The following PITPNC1 variants were observed in gnomAD, a reference collection of about 807,000 sequenced individuals.
PITPNC1 encodes cytoplasmic phosphatidylinositol transfer protein 1.
PITPNC1 carries 18 observed loss-of-function variants against 44.7 expected under a neutral mutation model. That is an observed-to-expected ratio of 0.40 (90% confidence interval 0.28 to 0.60). The LOEUF (loss-of-function observed/expected upper bound fraction) is 0.60. Ranked by LOEUF, PITPNC1 falls within the 20% of genes least tolerant of loss-of-function variation. The pLI is 0.39. For missense variants in PITPNC1, 290 were observed against 418.4 expected, an observed-to-expected ratio of 0.69 and a Z score of 2.68; for synonymous variants, 141 against 149.6, an observed-to-expected ratio of 0.94 and a Z score of 0.42.
At chr17:67,405,959 A>G (rs540775769) in intron 1 of PITPNC1, among the ~76,000 whole-genome samples, 153 of 152,160 alleles carry the variant, frequency 1.0e-3, no homozygotes, top group African/African-American at 3.4e-3. Flanking sequence ...TTCTGTACAT[A>G]TGACATTATA....
intron 5 of PITPNC1, among the ~76,000 whole-genome samples, chr17:67,618,366 A>ACG (rs2041787936): frequency 1.4e-5 from 2 of 139,884 alleles, no homozygotes; most frequent in African/African-American, 5.9e-5. Flanking sequence ...CTCCGTCTCA[A>ACG]AAAAAAAAAA....
chr17:67,502,758 G>GTATTGTATTGTATTGTATTGTATTT (rs2040050719), intron 1 of PITPNC1, among the ~76,000 whole-genome samples: 1 of 59,858 alleles, frequency 1.7e-5, no homozygotes, highest in African/African-American at 3.8e-5. Flanking sequence ...GTATTGTATT[G>GTATTGTATTGTATTGTATTGTATTT]TATTGTATTG....
intron 1 of PITPNC1, among the ~76,000 whole-genome samples, chr17:67,394,524 A>G (rs1227785705): frequency 4.6e-5 from 7 of 152,336 alleles, no homozygotes; most frequent in Admixed American, 3.9e-4. Context: ...GTACTATAAA[A>G]TCTAATAAAG....
intron 1 of PITPNC1, among the ~76,000 whole-genome samples, chr17:67,481,215 A>G (rs1280734180): frequency 4.6e-5 from 7 of 152,204 alleles, no homozygotes; most frequent in Non-Finnish European, 1.0e-4. Context: ...CTGCCTTGTT[A>G]TCTTCTAAAG....
chr17:67,663,895 A>G (rs535679714), intron 6 of PITPNC1, among the ~76,000 whole-genome samples: 15 of 152,250 alleles, frequency 9.9e-5, no homozygotes, highest in African/African-American at 3.6e-4. Flanking sequence ...CTAGCCCTCA[A>G]TTTGGTCCAG....
intron 1 of PITPNC1, among the ~76,000 whole-genome samples, chr17:67,461,191 C>T (rs1308173079): frequency 6.6e-6 from 1 of 152,242 alleles, no homozygotes; most frequent in African/African-American, 2.4e-5. Context: ...TCCACACTCA[C>T]TGTGTCCATG....
chr17:67,378,097 T>G lies in PITPNC1; in HGVS notation c.-58T>G. The G allele has an allele frequency of 1.5e-6, 2 of 1,300,944 alleles. No individual in the cohort carries two copies. The highest frequency in any genetic ancestry group is 1.4e-5 in the South Asian group (1 of 72,440). The allele number at this position is 1,300,944 out of a possible 1,614,324, so 80.6% of individuals were successfully genotyped here. A position where few individuals can be genotyped will look rare whatever the true frequency, so the allele number is the denominator to read the frequency against. On this transcript the variant is annotated 5_prime_UTR_variant, in exon 1 of 9. Coordinates refer to ENST00000581322, the MANE Select transcript of PITPNC1 (RefSeq NM_012417.4). The stretch of plus-strand genomic sequence containing the variant: ...CTGCCCTGCGCCTGGGCAGCAGCCT[T>G]GCTGGTCTTGGGGGCGCCCCCCGCT...
chr17:67,436,286 G>C (rs1003446619), intron 1 of PITPNC1, among the ~76,000 whole-genome samples: 1 of 152,166 alleles, frequency 6.6e-6, no homozygotes, highest in Non-Finnish European at 1.5e-5. Context: ...TTACAGGCCT[G>C]AGCCACCGTG....
intron 5 of PITPNC1, among the ~76,000 whole-genome samples, chr17:67,599,035 T>TATATATA (rs71139161): frequency 2.5e-3 from 73 of 28,760 alleles, no homozygotes; most frequent in Admixed American, 3.2e-3. Flanking sequence ...TATATATATA[T>TATATATA]TTTTTTTTTT....
intron 5 of PITPNC1, among the ~76,000 whole-genome samples, chr17:67,599,020 ATATATATATATATATTTTTTT>A (rs2041500077): frequency 5.1e-5 from 2 of 39,262 alleles, no homozygotes; most frequent in East Asian, 4.6e-4. Context: ...ATATATATAT[ATATATATATATATATTTTTTT>A]TTTTTTTTTT....
chr17:67,550,008 T>C (rs564305888), intron 2 of PITPNC1, among the ~76,000 whole-genome samples: 1 of 152,276 alleles, frequency 6.6e-6, no homozygotes, highest in African/African-American at 2.4e-5. Context: ...CTCATGACCA[T>C]TTCCTGCACG....
intron 1 of PITPNC1, among the ~76,000 whole-genome samples, chr17:67,380,657 A>G (rs918399119): frequency 6.6e-6 from 1 of 152,208 alleles, no homozygotes; most frequent in African/African-American, 2.4e-5. Context: ...CAGAACTGAT[A>G]GTAAATTCCA....
intron 2 of PITPNC1, among the ~76,000 whole-genome samples, chr17:67,550,386 C>T (rs989314219): frequency 1.1e-4 from 16 of 150,838 alleles, no homozygotes; most frequent in African/African-American, 3.9e-4. Flanking sequence ...GAGAGTCCAT[C>T]TTTGTGTTTT....
rs201046555 is a variant in PITPNC1, at chr17:67,602,736, A to AT, written c.366+24488dup. ...CTACAAGTGACCACTAACCTTGGGA[A>AT]TTTTTTTTTGGTGGTTGGGGGGATG... is the stretch of plus-strand genomic sequence containing the variant. On this transcript the variant is annotated intron_variant, in intron 5 of 8. Transcript: ENST00000581322. Among the ~76,000 whole-genome samples, 502 of 151,276 alleles carry AT rather than the reference A, an allele frequency of 3.3e-3. 2 individuals are homozygous for AT. The highest frequency in any genetic ancestry group is 2.5e-3 in the Admixed American group (38 of 15,168).
intron 2 of PITPNC1, among the ~76,000 whole-genome samples, chr17:67,543,237 T>C (rs748725369): frequency 6.6e-6 from 1 of 152,220 alleles, no homozygotes; most frequent in Non-Finnish European, 1.5e-5. Flanking sequence ...CTACCTCTGC[T>C]GCCTGCAGCC....
chr17:67,397,336 C>T (rs1034309392), intron 1 of PITPNC1, among the ~76,000 whole-genome samples: 10 of 147,774 alleles, frequency 6.8e-5, no homozygotes, highest in African/African-American at 2.4e-4. Context: ...AGATCAAAAG[C>T]AGCCAGATCC....
At chr17:67,518,365 A>G (rs2040283371) in intron 1 of PITPNC1, among the ~76,000 whole-genome samples, 1 of 152,174 alleles carries the variant, frequency 6.6e-6, no homozygotes, top group Non-Finnish European at 1.5e-5. Flanking sequence ...TGCAAACAGA[A>G]TATTTCCAGG....
At chr17:67,427,270 G>A (rs979153109) in intron 1 of PITPNC1, among the ~76,000 whole-genome samples, 42 of 152,076 alleles carry the variant, frequency 2.8e-4, no homozygotes, top group African/African-American at 9.4e-4. Flanking sequence ...GAGTGCAGTG[G>A]TGTGATCTTG....
intron 1 of PITPNC1, among the ~76,000 whole-genome samples, chr17:67,465,035 G>A (rs915743230): frequency 5.9e-5 from 9 of 152,182 alleles, no homozygotes; most frequent in Non-Finnish European, 1.3e-4. Context: ...CACCACACCC[G>A]GCCACAACTC....
Sources: gnomAD v4.1 joint callset for allele counts (sites outside exome capture counted in the v4.1 genomes callset) on GRCh38, gnomAD v4.1.1 for gene constraint, MANE v1.5 for transcripts, NCBI Gene and HGNC (gene_info 2026-07-23, HGNC 2026-07-21) for gene names.